Variants in CWC22 observed in about 807,000 individuals in gnomAD.
CWC22 encodes CWC22 spliceosome associated protein.
CWC22 carries 53 observed loss-of-function variants against 117.2 expected under a neutral mutation model. The observed-to-expected ratio is 0.45, with a 90% CI of 0.36 to 0.57. CWC22 has a LOEUF of 0.57. CWC22 is among the 20% of genes least tolerant of loss of function. CWC22 has a pLI of 0.00. For synonymous variants in CWC22, 360 were observed against 355.6 expected, an observed-to-expected ratio of 1.01 and a Z score of -0.14; for missense variants, 980 against 1,068.8, an observed-to-expected ratio of 0.92 and a Z score of 1.16.
Position 179,954,289 on chromosome 2 carries a change from G to A in CWC22, c.1605C>T (p.Thr535=). Residue 535 remains threonine (T), a synonymous_variant, in exon 16 of 20, where the codon ACC becomes ACT. Coordinates refer to ENST00000410053, the MANE Select transcript of CWC22 (RefSeq NM_020943.3). ...FEGIFKEQYD[T]IHRLETNKLR... The stretch of plus-strand genomic sequence containing the variant: ...ACTTGTTTGTTTCCAAGCGATGGAT[G>A]GTATCATACTGTTCTTTGAATATAC... The A allele has an allele frequency of 1.2e-6, 2 of 1,608,874 alleles. No individual in the cohort carries two copies. Among genetic ancestry groups the A allele is most frequent in the Admixed American group, 1.7e-5 (1 of 59,766 alleles).
At chr2:179,967,479 G>A (rs910871930) in intron 11 of CWC22, among the ~76,000 whole-genome samples, 1 of 152,148 alleles carries the variant, frequency 6.6e-6, no homozygotes, top group Non-Finnish European at 1.5e-5. Context: ...TACCAAGACA[G>A]TATCTGCCCT....
In CWC22 at chr2:179,958,786, CAG is replaced by C. The variant is rs576059268; in HGVS notation, c.1458+234_1458+235del. ...AAATTCTACATAAAGTGCAGTGTTT[CAG>C]AGACTCTCTTTTTACCATATCTCAT... On this transcript the variant is annotated intron_variant, in intron 14 of 19. Transcript: ENST00000410053. Among the ~76,000 whole-genome samples, 517 of 152,240 alleles carry C rather than the reference CAG, an allele frequency of 3.4e-3. 3 individuals carry two copies. The highest frequency in any genetic ancestry group is 0.011 in the East Asian group (59 of 5,170).
In CWC22 at chr2:179,945,082, G is replaced by T; in HGVS notation, c.*47C>A. The stretch of plus-strand genomic sequence containing the variant: ...AGTTCGTCAAAGTAAAAAATAATTT[G>T]TTTCAACTGAATATAAGGCATGTCC... On this transcript the variant is annotated 3_prime_UTR_variant, in exon 20 of 20. Transcript: ENST00000410053. 1 of 1,303,864 alleles carries T rather than the reference G, an allele frequency of 7.7e-7. No homozygotes were observed. The highest frequency in any genetic ancestry group is 1.0e-6 in the Non-Finnish European group (1 of 953,200). The allele number at this position is 1,303,864 out of a possible 1,614,324, so 80.8% of individuals were successfully genotyped here. A position where few individuals can be genotyped will look rare whatever the true frequency, so the allele number is the denominator to read the frequency against.
intron 12 of CWC22, among the ~76,000 whole-genome samples, chr2:179,965,665 A>C (rs1364072145): frequency 1.3e-5 from 2 of 152,216 alleles, no homozygotes; most frequent in Non-Finnish European, 2.9e-5. Flanking sequence ...CAGTCTTGGC[A>C]ATACTGGCAT....
In CWC22 at chr2:179,944,975, T is replaced by C; in HGVS notation, c.*154A>G. The C allele has an allele frequency of 1.8e-6, 1 of 542,254 alleles. No individual in the cohort carries two copies. Among genetic ancestry groups the C allele is most frequent in the Non-Finnish European group, 3.1e-6 (1 of 321,082 alleles). 33.6% of individuals were successfully genotyped at this position (542,254 alleles called of 1,614,324 possible). A position where few individuals can be genotyped will look rare whatever the true frequency, so the allele number is the denominator to read the frequency against. ...TTTATGGGTAGGGCCTTGAGATGTATCAATTATAAAACATGTTAAAATGAA... is the reference window on the plus strand; with the variant it reads ...TTTATGGGTAGGGCCTTGAGATGTACCAATTATAAAACATGTTAAAATGAA... On this transcript the variant is annotated 3_prime_UTR_variant, in exon 20 of 20. Transcript: ENST00000410053.
Position 179,964,385 on chromosome 2 carries a change from C to A in CWC22, c.1397+162G>T, listed in dbSNP as rs185708197. Among the ~76,000 whole-genome samples, 308 of 152,246 alleles carry A rather than the reference C, an allele frequency of 2.0e-3. 2 individuals are homozygous for A. The highest frequency in any genetic ancestry group is 6.9e-3 in the African/African-American group (288 of 41,542). ...ATTTGCCTATAAAGCAAAGAACCAA[C>A]AGAAAGGTACTATGAGCTTGGGCAT... On this transcript the variant is annotated intron_variant, in intron 13 of 19. Coordinates refer to ENST00000410053, the MANE Select transcript of CWC22 (RefSeq NM_020943.3).
chr2:179,959,794 C>A (rs1235613096), intron 13 of CWC22, among the ~76,000 whole-genome samples: 1 of 152,038 alleles, frequency 6.6e-6, no homozygotes, highest in African/African-American at 2.4e-5. Flanking sequence ...TATGGGACCA[C>A]CATTGCCTAT....
intron 19 of CWC22, among the ~76,000 whole-genome samples, chr2:179,949,166 C>G (rs1686384858): frequency 6.6e-6 from 1 of 152,210 alleles, no homozygotes; most frequent in African/African-American, 2.4e-5. Flanking sequence ...CAGCTACTTT[C>G]TCCCTGGGAG....
intron 1 of CWC22, among the ~76,000 whole-genome samples, chr2:179,995,784 C>T (rs780543703): frequency 1.1e-4 from 17 of 152,170 alleles, no homozygotes; most frequent in Admixed American, 2.6e-4. Flanking sequence ...TTTAATATAG[C>T]TTTAGTCTGA....
chr2:179,978,399 C>T (rs2367990), intron 5 of CWC22, 81 bp from the exon 6 acceptor site: 1,147,341 of 1,302,206 alleles, frequency 0.88, 505,859 homozygotes, highest in East Asian at 1. Flanking sequence ...CTACATAGTG[C>T]TCCTTAATTT....
Position 179,952,437 on chromosome 2 carries a change from A to G in CWC22, c.1817+34T>C, listed in dbSNP as rs757831540. On this transcript the variant is annotated intron_variant, in intron 17 of 19. Transcript: ENST00000410053. ...CTACAATGGGAGAAAACCAGAGGTCAATAAGAATAAAAAGTGCTTAATGGC... is the reference window on the plus strand; with the variant it reads ...CTACAATGGGAGAAAACCAGAGGTCGATAAGAATAAAAAGTGCTTAATGGC... The G allele has an allele frequency of 1.0e-5, 15 of 1,505,688 alleles. No individual in the cohort carries two copies. In the South Asian group the frequency reaches 1.6e-4, roughly 16 times the overall value. 93.3% of individuals were successfully genotyped at this position (1,505,688 alleles called of 1,614,324 possible). A position where few individuals can be genotyped will look rare whatever the true frequency, so the allele number is the denominator to read the frequency against.
At chr2:179,951,807 G>A (rs939655479) in intron 17 of CWC22, among the ~76,000 whole-genome samples, 12 of 152,100 alleles carry the variant, frequency 7.9e-5, no homozygotes, top group Admixed American at 3.9e-4. Context: ...GAAGAGGCAG[G>A]CTGAGGAGAA....
intron 13 of CWC22, among the ~76,000 whole-genome samples, chr2:179,962,987 C>A (rs978802246): frequency 6.6e-6 from 1 of 151,620 alleles, no homozygotes; most frequent in South Asian, 2.1e-4. Context: ...ACAAAAAATC[C>A]CCACAGAAAA....
intron 1 of CWC22, among the ~76,000 whole-genome samples, chr2:180,002,344 G>T (rs1312375729): frequency 6.6e-6 from 1 of 152,188 alleles, no homozygotes; most frequent in African/African-American, 2.4e-5. Flanking sequence ...GAGGCTGGGG[G>T]AAGGTTCCAT....
intron 1 of CWC22, among the ~76,000 whole-genome samples, chr2:180,004,391 C>T (rs1412776960): frequency 6.6e-6 from 1 of 151,906 alleles, no homozygotes; most frequent in Non-Finnish European, 1.5e-5. Flanking sequence ...TTTTTTTCTT[C>T]TTCTTCTTTT....
At chr2:179,986,536 TAAG>T (rs1687423094) in intron 4 of CWC22, among the ~76,000 whole-genome samples, 156 bp downstream of exon 4, 1 of 152,192 alleles carries the variant, frequency 6.6e-6, no homozygotes, top group Non-Finnish European at 1.5e-5. Context: ...TTTACTGCAA[TAAG>T]AAGTTAATTC....
chr2:179,964,578 G>A lies in CWC22; in HGVS notation c.1366C>T (p.Arg456Cys). The change falls in exon 13 of 20, where the codon CGT (arginine) becomes TGT (cysteine). Residue 456 changes from arginine to cysteine, a missense_variant. Coordinates refer to ENST00000410053, the MANE Select transcript of CWC22 (RefSeq NM_020943.3). ...TGAATAGCAAGATAAATTGTACGAC[G>A]AAATGAGACCAGGTTAATTTCTGTT... is the stretch of plus-strand genomic sequence containing the variant. ...DKTEINLVSF[R>C]RTIYLAIQSS... is the part of the protein sequence containing the mutation. 1.3e-6 allele frequency: 2 copies of A among 1,569,762 alleles called. No individual in the cohort carries two copies. Among genetic ancestry groups the A allele is most frequent in the Non-Finnish European group, 1.7e-6 (2 of 1,154,044 alleles).
intron 19 of CWC22, among the ~76,000 whole-genome samples, chr2:179,947,399 T>G (rs1424673716): frequency 6.6e-6 from 1 of 152,224 alleles, no homozygotes; most frequent in African/African-American, 2.4e-5. Context: ...AACCCAGCCA[T>G]GTAACAAGAG....
At chr2:179,948,960 A>C (rs942217265) in intron 19 of CWC22, among the ~76,000 whole-genome samples, 1 of 152,178 alleles carries the variant, frequency 6.6e-6, no homozygotes, top group Non-Finnish European at 1.5e-5. Context: ...CCATTAGGGG[A>C]AGTTGGAATG....
Sources: allele counts gnomAD v4.1 joint callset (sites outside exome capture counted in the v4.1 genomes callset), GRCh38; gene constraint gnomAD v4.1.1; transcripts MANE v1.5; gene names NCBI Gene and HGNC (gene_info 2026-07-23, HGNC 2026-07-21).